Variants in NME7 observed in about 807,000 individuals in gnomAD.
NME7 encodes the protein NME/NM23 family member 7.
NME7 carries 41 observed loss-of-function variants against 49.1 expected under a neutral mutation model. That is an observed-to-expected ratio of 0.83 (90% CI 0.65 to 1.08). The LOEUF (loss-of-function observed/expected upper bound fraction) is 1.08, where lower values mean the gene tolerates loss of function less well. Among genes scored for constraint, NME7 ranks in the 50% least tolerant of loss-of-function variants. The pLI, the probability that NME7 is intolerant of heterozygous loss-of-function variation, is 0.00. For synonymous variants in NME7, 139 were observed against 150.6 expected, an observed-to-expected ratio of 0.92 and a Z score of 0.56; for missense variants, 423 against 463.4, an observed-to-expected ratio of 0.91 and a Z score of 0.80.
intron 7 of NME7, among the ~76,000 whole-genome samples, chr1:169,246,576 G>C (rs1429067275): frequency 6.6e-6 from 1 of 152,006 alleles, no homozygotes; most frequent in Non-Finnish European, 1.5e-5. Context: ...TTCCTTACAA[G>C]GTAGTAAAAA....
intron 3 of NME7, among the ~76,000 whole-genome samples, chr1:169,320,588 T>C (rs75026783): frequency 0.015 from 2,223 of 152,332 alleles, 60 homozygotes; most frequent in African/African-American, 0.05. Context: ...CATATTTCCA[T>C]ATGCTTACTT....
intron 7 of NME7, among the ~76,000 whole-genome samples, chr1:169,245,933 G>A (rs757325893): frequency 9.2e-5 from 14 of 152,156 alleles, no homozygotes; most frequent in Non-Finnish European, 1.8e-4. Context: ...CTCCTAGAGA[G>A]CAATATGTTA....
chr1:169,197,662 C>CA (rs2101772829), intron 10 of NME7, among the ~76,000 whole-genome samples: 1 of 151,890 alleles, frequency 6.6e-6, no homozygotes, highest in African/African-American at 2.4e-5. Flanking sequence ...TAGCAATGTG[C>CA]AAAAAAATGA....
chr1:169,319,409 T>A (rs573461764), intron 3 of NME7, among the ~76,000 whole-genome samples: 1 of 152,222 alleles, frequency 6.6e-6, no homozygotes, highest in Non-Finnish European at 1.5e-5. Context: ...ATTAAGCAAA[T>A]GCTTGGAATT....
At chr1:169,167,823 T>A (rs1394383752) in intron 11 of NME7, among the ~76,000 whole-genome samples, 2 of 152,180 alleles carry the variant, frequency 1.3e-5, no homozygotes, top group African/African-American at 2.4e-5. Context: ...ACAACACATG[T>A]GTCATGGTAG....
chr1:169,180,831 G>A (rs1238227900), intron 10 of NME7, among the ~76,000 whole-genome samples: 1 of 151,966 alleles, frequency 6.6e-6, no homozygotes, highest in Non-Finnish European at 1.5e-5. Flanking sequence ...AAATTTTCAA[G>A]TCCTGGGTGT....
At chr1:169,344,212 ATAAT>A (rs1652877684) in intron 1 of NME7, among the ~76,000 whole-genome samples, 1 of 152,216 alleles carries the variant, frequency 6.6e-6, no homozygotes, top group Non-Finnish European at 1.5e-5. Context: ...ATATGGAAAT[ATAAT>A]TAATTTTTGT....
intron 10 of NME7, among the ~76,000 whole-genome samples, chr1:169,178,702 T>G (rs1188545328): frequency 2.6e-5 from 4 of 152,140 alleles, no homozygotes; most frequent in African/African-American, 9.7e-5. Flanking sequence ...AAAGCTGTTT[T>G]CCCTGTTCCC....
At chr1:169,355,236 A>AATATATATTATATATTATAGATATAAT (rs1383879972) in intron 1 of NME7, among the ~76,000 whole-genome samples, 1 of 76,892 alleles carries the variant, frequency 1.3e-5, no homozygotes, top group Non-Finnish European at 2.4e-5. Context: ...TATAATATAT[A>AATATATATTATATATTATAGATATAAT]ATATATTATA....
intron 6 of NME7, among the ~76,000 whole-genome samples, chr1:169,296,681 C>T (rs1251989175): frequency 6.6e-6 from 1 of 152,100 alleles, no homozygotes; most frequent in Non-Finnish European, 1.5e-5. Flanking sequence ...TCCTGATTGT[C>T]CATTCATTCT....
intron 1 of NME7, among the ~76,000 whole-genome samples, chr1:169,327,427 G>C (rs183354827): frequency 6.6e-6 from 1 of 152,218 alleles, no homozygotes; most frequent in East Asian, 1.9e-4. Context: ...ATCACACTTT[G>C]TTCCAGAAAT....
In NME7 at chr1:169,272,698, A is replaced by G. The variant is rs943211848; in HGVS notation, c.754+14605T>C. On this transcript the variant is annotated intron_variant, in intron 7 of 11. Coordinates refer to ENST00000367811, the MANE Select transcript of NME7 (RefSeq NM_013330.5). ...ATTTTCTATATCCAGTCTATCATTGATGGGCATTTGGGTTGATTCCATGTC... is the reference window on the plus strand; with the variant it reads ...ATTTTCTATATCCAGTCTATCATTGGTGGGCATTTGGGTTGATTCCATGTC... Among the ~76,000 whole-genome samples, 20 of 132,944 alleles carry G rather than the reference A, an allele frequency of 1.5e-4. 4 individuals carry two copies. The highest frequency in any genetic ancestry group is 2.0e-4 in the East Asian group (1 of 4,994). 87.2% of individuals were successfully genotyped at this position (132,944 alleles called of 152,430 possible).
intron 10 of NME7, among the ~76,000 whole-genome samples, chr1:169,181,134 T>C (rs12068152): frequency 0.1 from 12,639 of 124,054 alleles, 792 homozygotes; most frequent in East Asian, 0.39. Flanking sequence ...TCCTATCTAT[T>C]TATCTATCTA....
intron 3 of NME7, among the ~76,000 whole-genome samples, chr1:169,312,045 T>C (rs114533473): frequency 0.019 from 2,949 of 152,312 alleles, 47 homozygotes; most frequent in South Asian, 0.039. Flanking sequence ...ATCAGTAGTA[T>C]CTCTGTTATC....
At chr1:169,170,194 G>A (rs1405304616) in intron 10 of NME7, among the ~76,000 whole-genome samples, 1 of 152,182 alleles carries the variant, frequency 6.6e-6, no homozygotes, top group African/African-American at 2.4e-5. Flanking sequence ...CTGTGGGTGG[G>A]AGGAGAGGGG....
chr1:169,323,508 C>T (rs576794531), intron 2 of NME7, among the ~76,000 whole-genome samples: 2 of 152,258 alleles, frequency 1.3e-5, no homozygotes, highest in African/African-American at 4.8e-5. Flanking sequence ...ATTTAATACT[C>T]TTAAAAACCT....
rs1405341405 is a variant in NME7, at chr1:169,324,484, A to C, written c.20T>G (p.Phe7Cys). The C allele has an allele frequency of 6.2e-7, 1 of 1,604,494 alleles. No individual in the cohort carries two copies. Among genetic ancestry groups the C allele is most frequent in the East Asian group, 2.2e-5 (1 of 44,788 alleles). The part of the protein sequence containing the change: MNHSER[F>C]VFIAEWYDPN... ...ATCATACCACTCTGCAATGAAAACG[A>C]ATCTTTCACTATGATTCTGCAAAGA... Residue 7 changes from phenylalanine (F) to cysteine (C), a missense_variant, in exon 2 of 12, where the codon TTC becomes TGC. Phe to Cys is a radical substitution (Grantham distance 205). Transcript: ENST00000367811.
chr1:169,278,010 T>C (rs1269299923), intron 7 of NME7, among the ~76,000 whole-genome samples: 1 of 151,554 alleles, frequency 6.6e-6, no homozygotes, highest in Non-Finnish European at 1.5e-5. Flanking sequence ...TGGTGAATAT[T>C]GGCCCCCACT....
chr1:169,367,479 T>C (rs1653918576), intron 1 of NME7, among the ~76,000 whole-genome samples: 1 of 152,172 alleles, frequency 6.6e-6, no homozygotes, highest in African/African-American at 2.4e-5. Context: ...TTACCCTAAA[T>C]TTTCTGTTTC....
Sources: gnomAD v4.1 joint callset for allele counts (sites outside exome capture counted in the v4.1 genomes callset) on GRCh38, gnomAD v4.1.1 for gene constraint, MANE v1.5 for transcripts, NCBI Gene and HGNC (gene_info 2026-07-23, HGNC 2026-07-21) for gene names.